TBCA: variants seen among roughly 807,000 people sequenced by gnomAD.
TBCA encodes tubulin-specific chaperone A.
Under a neutral mutation model 15.8 loss-of-function variants are expected in TBCA, and 6 were observed. The ratio of observed to expected loss-of-function variants is 0.38; its 90% confidence interval spans 0.21 to 0.75. The LOEUF is 0.75. Ranked by LOEUF, TBCA falls within the 30% of genes least tolerant of loss-of-function variation. TBCA has a pLI of 0.46. For missense variants in TBCA, 90 were observed against 131.2 expected (o/e 0.69, Z 1.53); for synonymous variants, 32 against 42.3 (o/e 0.76, Z 0.94).
chr5:77,709,272 G>A (rs1308107926), intron 1 of TBCA, among the ~76,000 whole-genome samples: 1 of 152,126 alleles, frequency 6.6e-6, no homozygotes, highest in African/African-American at 2.4e-5. Context: ...GTAAGAAAAA[G>A]TATTTTAAAA....
At chr5:77,724,367 A>G (rs1464757999) in intron 1 of TBCA, among the ~76,000 whole-genome samples, 1 of 152,124 alleles carries the variant, frequency 6.6e-6, no homozygotes, top group African/African-American at 2.4e-5. Context: ...AAGCATCTGT[A>G]ACTAAAATTA....
At chr5:77,770,898 G>A (rs899770206) in intron 1 of TBCA, among the ~76,000 whole-genome samples, 3 of 152,138 alleles carry the variant, frequency 2.0e-5, no homozygotes, top group Non-Finnish European at 4.4e-5. Flanking sequence ...CACTTTGGGA[G>A]GCCACGGCAG....
chr5:77,711,591 T>C (rs187749447), intron 1 of TBCA, among the ~76,000 whole-genome samples: 33 of 152,276 alleles, frequency 2.2e-4, no homozygotes, highest in Non-Finnish European at 4.7e-4. Flanking sequence ...AATTTAAAGA[T>C]AGAAATATAT....
At chr5:77,763,948 AAC>A (rs1473703379) in intron 1 of TBCA, among the ~76,000 whole-genome samples, 3 of 152,344 alleles carry the variant, frequency 2.0e-5, no homozygotes, top group South Asian at 4.1e-4. Flanking sequence ...TGTACATAGA[AAC>A]ACAGTTAATA....
At chr5:77,732,550 C>CACAAAAAAAAAAAAAAAAAAAAA (rs1236069449) in intron 1 of TBCA, among the ~76,000 whole-genome samples, 1 of 89,490 alleles carries the variant, frequency 1.1e-5, no homozygotes, top group African/African-American at 4.5e-5. Flanking sequence ...GACTCTGTCT[C>CACAAAAAAAAAAAAAAAAAAAAA]AAAAAAAAAA....
chr5:77,722,934 T>C (rs1186290783), intron 1 of TBCA, among the ~76,000 whole-genome samples: 1 of 151,806 alleles, frequency 6.6e-6, no homozygotes, highest in Non-Finnish European at 1.5e-5. Flanking sequence ...TCTATGATAG[T>C]ATAATATTAA....
At chr5:77,731,452 G>A (rs923033632) in intron 1 of TBCA, among the ~76,000 whole-genome samples, 3 of 152,158 alleles carry the variant, frequency 2.0e-5, no homozygotes, top group Non-Finnish European at 2.9e-5. Flanking sequence ...TAATACCTAT[G>A]AAGTGCTCAC....
chr5:77,706,699 C>T (rs1307216476), intron 2 of TBCA, among the ~76,000 whole-genome samples: 1 of 151,098 alleles, frequency 6.6e-6, no homozygotes, highest in Non-Finnish European at 1.5e-5. Flanking sequence ...TTAATCCCAG[C>T]TTCTTGGGAG....
intron 3 of TBCA, 94 bp from the exon 4 acceptor site, chr5:77,691,592 C>T: frequency 1.4e-6 from 2 of 1,430,240 alleles, no homozygotes; most frequent in Non-Finnish European, 1.8e-6. Context: ...ATGTTAATAA[C>T]TAAAAAATTA....
chr5:77,735,805 GA>G (rs1323063538), intron 1 of TBCA, among the ~76,000 whole-genome samples: 1 of 151,986 alleles, frequency 6.6e-6, no homozygotes, highest in Non-Finnish European at 1.5e-5. Context: ...ACCTACATGC[GA>G]AATGGTGTTG....
chr5:77,714,667 T>C (rs1376573893), intron 1 of TBCA, among the ~76,000 whole-genome samples: 3 of 152,026 alleles, frequency 2.0e-5, no homozygotes, highest in East Asian at 3.9e-4. Flanking sequence ...CCCAGGTTCA[T>C]GCCATTCTCC....
chr5:77,741,295 G>A (rs1339660160), intron 1 of TBCA, among the ~76,000 whole-genome samples: 3 of 152,188 alleles, frequency 2.0e-5, no homozygotes, highest in Admixed American at 6.5e-5. Flanking sequence ...ATACCTGAAT[G>A]CTATTGAGAA....
intron 1 of TBCA, among the ~76,000 whole-genome samples, chr5:77,720,378 T>C (rs1382412386): frequency 1.1e-4 from 17 of 151,992 alleles, no homozygotes. Flanking sequence ...GTCTGCAAGC[T>C]CAATTTGAGT....
intron 2 of TBCA, among the ~76,000 whole-genome samples, chr5:77,703,445 T>C (rs1024040257): frequency 2.0e-5 from 3 of 152,116 alleles, no homozygotes; most frequent in African/African-American, 4.8e-5. Flanking sequence ...TAAAATCAAT[T>C]TGGGCAATAT....
chr5:77,734,388 A>ATATG (rs1376262754), intron 1 of TBCA, among the ~76,000 whole-genome samples: 2 of 152,236 alleles, frequency 1.3e-5, no homozygotes, highest in African/African-American at 4.8e-5. Flanking sequence ...CATTAAGAAC[A>ATATG]TTCATGATTC....
intron 1 of TBCA, among the ~76,000 whole-genome samples, chr5:77,733,171 C>T (rs1427795249): frequency 6.6e-6 from 1 of 152,144 alleles, no homozygotes; most frequent in African/African-American, 2.4e-5. Context: ...ATCCCAGCTA[C>T]TCAGGAGGCT....
chr5:77,735,245 G>A (rs1183608924), intron 1 of TBCA, among the ~76,000 whole-genome samples: 1 of 151,988 alleles, frequency 6.6e-6, no homozygotes, highest in East Asian at 1.9e-4. Context: ...CTTAAATAAG[G>A]TACTCAAATT....
At chr5:77,747,978 T>TAAAGAAG (rs1255494210) in intron 1 of TBCA, among the ~76,000 whole-genome samples, 6 of 152,190 alleles carry the variant, frequency 3.9e-5, no homozygotes, top group Non-Finnish European at 8.8e-5. Context: ...ATCAAGATGA[T>TAAAGAAG]CTTCTCAGAA....
chr5:77,723,318 C>T (rs1337717056), intron 1 of TBCA, among the ~76,000 whole-genome samples: 1 of 151,538 alleles, frequency 6.6e-6, no homozygotes, highest in Non-Finnish European at 1.5e-5. Context: ...CATTAGAAAA[C>T]GTTAACTAAC....
Sources: gnomAD v4.1 joint callset for allele counts (sites outside exome capture counted in the v4.1 genomes callset) on GRCh38, gnomAD v4.1.1 for gene constraint, MANE v1.5 for transcripts, NCBI Gene and HGNC (gene_info 2026-07-23, HGNC 2026-07-21) for gene names.